LIMS1: variants seen among roughly 807,000 people sequenced by gnomAD.
LIMS1 encodes LIM and senescent cell antigen-like-containing domain protein 1.
A neutral mutation model predicts 44.1 loss-of-function variants in LIMS1; 18 were observed. The ratio of observed to expected loss-of-function variants is 0.41; its 90% CI spans 0.28 to 0.61. The LOEUF is 0.61. Ranked by LOEUF, LIMS1 falls within the 20% of genes least tolerant of loss-of-function variation. The probability of loss-of-function intolerance (pLI) is 0.32; values close to 1 mark genes in which losing one functional copy is unlikely to be tolerated. For missense variants in LIMS1, 201 were observed against 422.0 expected, an observed-to-expected ratio of 0.48 and a Z score of 4.59; for synonymous variants, 93 against 149.1, an observed-to-expected ratio of 0.62 and a Z score of 2.74.
intron 2 of LIMS1, among the ~76,000 whole-genome samples, chr2:108,666,875 T>C (rs2433818): frequency 5.9e-5 from 9 of 152,214 alleles, no homozygotes; most frequent in Middle Eastern, 3.4e-3. Flanking sequence ...GTGAGGTATA[T>C]AGGGGAAGGT....
At chr2:108,658,789 T>C (rs1227025930) in intron 1 of LIMS1, among the ~76,000 whole-genome samples, 2 of 152,310 alleles carry the variant, frequency 1.3e-5, no homozygotes, top group South Asian at 2.1e-4. Context: ...TCCTAACCTA[T>C]GAAACGTGGT....
intron 1 of LIMS1, among the ~76,000 whole-genome samples, chr2:108,600,018 A>C (rs1686921478): frequency 6.6e-6 from 1 of 151,118 alleles, no homozygotes; most frequent in South Asian, 2.1e-4. Flanking sequence ...CCTTTGCTGT[A>C]CAGAAGCTGT....
At chr2:108,643,363 TG>T (rs1689838180) in intron 1 of LIMS1, among the ~76,000 whole-genome samples, 1 of 152,100 alleles carries the variant, frequency 6.6e-6, no homozygotes, top group Admixed American at 6.5e-5. Flanking sequence ...CGAAGCAGGG[TG>T]GGGCGTTGCC....
chr2:108,684,128 A>T (rs766433643), exon 10 of LIMS1: 4 of 486,254 alleles, frequency 8.2e-6, no homozygotes, highest in Non-Finnish European at 7.4e-6. Flanking sequence ...GTTTTATGTC[A>T]TTTTTTTAAT....
chr2:108,667,106 A>G lies in LIMS1; in HGVS notation c.193-3675A>G, dbSNP rs574103410. Among the ~76,000 whole-genome samples, 13 of 152,124 alleles carry G rather than the reference A, an allele frequency of 8.5e-5. No homozygotes were observed. The East Asian group carries it at 2.3e-3, about 27-fold the overall frequency. ...GAGGGTGGGGCTGAAAACCCCAACC[A>G]TCCGATTCTGCCTTGGTCTTTCTGG... is the stretch of plus-strand genomic sequence containing the variant. On this transcript the variant is annotated intron_variant, in intron 2 of 9. Coordinates refer to ENST00000544547, the Ensembl canonical transcript of LIMS1.
Position 108,551,955 on chromosome 2 carries a change from A to C in LIMS1, c.32+17361A>C, listed in dbSNP as rs7601317. On this transcript the variant is annotated intron_variant, in intron 1 of 9. Transcript: ENST00000544547. ...TGTGTGTGTGTGTGTGTGTGTGTGT[A>C]TATATATATATATATATGTATATAT... 1.2e-4 allele frequency among the ~76,000 whole-genome samples: 8 copies of C among 64,934 alleles called. No homozygotes were observed. In the East Asian group the frequency reaches 0.012, roughly 95 times the overall value. The allele number at this position is 64,934 out of a possible 152,430, so 42.6% of individuals were successfully genotyped here.
At chr2:108,576,501 A>G (rs1220117783) in intron 1 of LIMS1, among the ~76,000 whole-genome samples, 2 of 152,124 alleles carry the variant, frequency 1.3e-5, no homozygotes. Context: ...CCCGGGTTCA[A>G]GCGATTCTTC....
intron 1 of LIMS1, among the ~76,000 whole-genome samples, chr2:108,558,811 C>T (rs949172973): frequency 6.6e-6 from 1 of 151,834 alleles, no homozygotes; most frequent in Non-Finnish European, 1.5e-5. Context: ...GCTGGGCCTA[C>T]AGTTGTATGC....
rs140663853 is a variant in LIMS1, at chr2:108,568,804, T to C, written c.32+34210T>C. 4.4e-3 allele frequency among the ~76,000 whole-genome samples: 666 copies of C among 152,370 alleles called. 3 individuals are homozygous for C. The highest frequency in any genetic ancestry group is 0.014 in the South Asian group (68 of 4,828). ...CAGTGATGTTGAACACCTTTTTATA[T>C]GCTTGTTAGCTATTTGTATGTCATC... On this transcript the variant is annotated intron_variant, in intron 1 of 9. Transcript: ENST00000544547.
At chr2:108,586,917 C>A (rs2104670420) in intron 1 of LIMS1, among the ~76,000 whole-genome samples, 1 of 152,276 alleles carries the variant, frequency 6.6e-6, no homozygotes, top group African/African-American at 2.4e-5. Context: ...TTCCATCTGC[C>A]TTCCACTCCC....
intron 9 of LIMS1, among the ~76,000 whole-genome samples, chr2:108,683,020 A>G (rs1286189329): frequency 1.3e-5 from 2 of 152,224 alleles, no homozygotes; most frequent in Non-Finnish European, 2.9e-5. Flanking sequence ...CTCCAGGACC[A>G]TTTTAAAAAT....
At chr2:108,554,306 CT>C (rs1174324032) in intron 1 of LIMS1, among the ~76,000 whole-genome samples, 1 of 152,174 alleles carries the variant, frequency 6.6e-6, no homozygotes, top group African/African-American at 2.4e-5. Context: ...CCCTTTACAT[CT>C]TCTTCAGTAT....
At chr2:108,597,739 C>G (rs775714560) in intron 1 of LIMS1, among the ~76,000 whole-genome samples, 44 of 142,308 alleles carry the variant, frequency 3.1e-4, no homozygotes, top group African/African-American at 2.7e-5. Flanking sequence ...GTTGCCCAGG[C>G]TGGAGTGCAG....
At chr2:108,540,374 A>G (rs1684279042) in intron 1 of LIMS1, among the ~76,000 whole-genome samples, 1 of 151,772 alleles carries the variant, frequency 6.6e-6, no homozygotes, top group South Asian at 2.1e-4. Context: ...AATTTTTTGT[A>G]TTTTTAGTAA....
At position 108,616,961 on chromosome 2, in the gene LIMS1, G is replaced by A. The variant is rs549988644; in HGVS notation, c.33-42644G>A. ...TTTCCCTGTAAATGATTATTTATGA[G>A]ATAAAACATAAACTAAAAATGATTC... On this transcript the variant is annotated intron_variant, in intron 1 of 9. Coordinates refer to ENST00000544547, the Ensembl canonical transcript of LIMS1. Among the ~76,000 whole-genome samples, 4 of 152,298 alleles carry A rather than the reference G, an allele frequency of 2.6e-5. No homozygotes were observed. In the South Asian group the frequency reaches 8.3e-4, roughly 32 times the overall value.
chr2:108,578,319 G>A (rs994228034), intron 1 of LIMS1, among the ~76,000 whole-genome samples: 1 of 152,176 alleles, frequency 6.6e-6, no homozygotes, highest in Non-Finnish European at 1.5e-5. Flanking sequence ...ATTAGCATGT[G>A]TATATGTAAA....
chr2:108,674,645 T>C (rs533231972), intron 5 of LIMS1, among the ~76,000 whole-genome samples: 89 of 119,744 alleles, frequency 7.4e-4, no homozygotes, highest in Middle Eastern at 0.01. Context: ...GGCATGAACC[T>C]GGGAGGTGGA....
chr2:108,554,325 A>G (rs1163026399), intron 1 of LIMS1, among the ~76,000 whole-genome samples: 1 of 152,112 alleles, frequency 6.6e-6, no homozygotes, highest in African/African-American at 2.4e-5. Flanking sequence ...TATGAGCCAG[A>G]CTAACCCATG....
intron 1 of LIMS1, among the ~76,000 whole-genome samples, chr2:108,579,711 C>T (rs1415656209): frequency 6.6e-6 from 1 of 152,248 alleles, no homozygotes; most frequent in Non-Finnish European, 1.5e-5. Flanking sequence ...AGCCTGCCCT[C>T]TGCCAGGCAT....
Sources: gnomAD v4.1 joint callset for allele counts (sites outside exome capture counted in the v4.1 genomes callset) on GRCh38, gnomAD v4.1.1 for gene constraint, MANE v1.5 for transcripts, NCBI Gene and HGNC (gene_info 2026-07-23, HGNC 2026-07-21) for gene names.